Variants in ZNF83 observed in about 807,000 individuals in gnomAD.
ZNF83 encodes zinc finger protein 83.
For synonymous variants in ZNF83, 209 were observed against 213.0 expected (o/e 0.98, Z 0.17); for missense variants, 552 against 629.9 (o/e 0.88, Z 1.32).
Position 52,613,529 on chromosome 19 carries a change from T to A in ZNF83, c.1036A>T (p.Lys346Ter). Residue 346 changes from lysine to a stop codon, truncating the protein, a stop_gained, in exon 3 of 3, where the codon AAA becomes TAA. Transcript: ENST00000301096. LOFTEE classifies it low-confidence loss of function (END_TRUNC). The stretch of plus-strand genomic sequence containing the variant: ...AAGACCTTGCCACATTCATTACATT[T>A]GTAAGGTTTCTCTCCAGTGTGGATT... The A allele has an allele frequency of 6.2e-7, 1 of 1,614,138 alleles. No homozygotes were observed. The highest frequency in any genetic ancestry group is 8.5e-7 in the Non-Finnish European group (1 of 1,180,010).
At position 52,687,616 on chromosome 19, in the gene ZNF83, G is replaced by GTA. The variant is rs1427281800; in HGVS notation, c.-283+2825_-283+2826dup. 8.1e-3 allele frequency among the ~76,000 whole-genome samples: 128 copies of GTA among 15,822 alleles called. 24 individuals carry two copies. The highest frequency in any genetic ancestry group is 0.011 in the Non-Finnish European group (104 of 9,496). 10.4% of individuals were successfully genotyped at this position (15,822 alleles called of 152,430 possible). ...TATATAATGTATATATATATAATGTGTATATATATATATAATGTATATATA... is the reference window on the plus strand; with the variant it reads ...TATATAATGTATATATATATAATGTGTATATATATATATATAATGTATATATA... On this transcript the variant is annotated intron_variant, in intron 1 of 5. Transcript: ENST00000594682.
At chr19:52,620,248 G>A (rs1600151245) in intron 2 of ZNF83, among the ~76,000 whole-genome samples, 1 of 134,530 alleles carries the variant, frequency 7.4e-6, no homozygotes, top group Non-Finnish European at 1.6e-5. Context: ...ATATGTGTGT[G>A]TATATCTGTG....
chr19:52,614,056 A>C lies in ZNF83; in HGVS notation c.509T>G (p.Ile170Ser). 3 of 1,613,156 alleles carry C rather than the reference A, an allele frequency of 1.9e-6. No homozygotes were observed. In the South Asian group the frequency reaches 3.3e-5, roughly 18 times the overall value. Residue 170 changes from isoleucine to serine, a missense_variant, in exon 3 of 3, where the codon ATT becomes AGT. Ile to Ser is a moderately radical substitution (Grantham distance 142, BLOSUM62 -2). Coordinates refer to ENST00000301096, the Ensembl canonical transcript of ZNF83. ...TTTATATGGTTTCTCTCCAGTATGA[A>C]TCCTGCGATGCTGTGCAAGGTGTGA...
intron 1 of ZNF83, among the ~76,000 whole-genome samples, chr19:52,685,663 G>A (rs1249733836): frequency 3.9e-5 from 6 of 152,114 alleles, no homozygotes; most frequent in Non-Finnish European, 2.9e-5. Context: ...TTGGGAGGTC[G>A]AGGTGGGCAG....
At chr19:52,627,498 C>T (rs936808671) in intron 2 of ZNF83, among the ~76,000 whole-genome samples, 1 of 152,080 alleles carries the variant, frequency 6.6e-6, no homozygotes, top group African/African-American at 2.4e-5. Flanking sequence ...CCTCTCTCTA[C>T]TAAAAATACA....
Position 52,637,495 on chromosome 19 carries a change from G to T in ZNF83, c.-322+817C>A, listed in dbSNP as rs562956645. ...TCTCTGTACATCTAGGTTTCTCTAC[G>T]TTTCTCCAGTTACTTTTCTCCTCCT... On this transcript the variant is annotated intron_variant, in intron 1 of 2. Coordinates refer to ENST00000301096, the Ensembl canonical transcript of ZNF83. Among the ~76,000 whole-genome samples, 8 of 151,908 alleles carry T rather than the reference G, an allele frequency of 5.3e-5. No individual in the cohort carries two copies. In the East Asian group the frequency reaches 5.8e-4, roughly 11 times the overall value.
At chr19:52,657,447 T>C (rs1014173220) in intron 2 of ZNF83, among the ~76,000 whole-genome samples, 6 of 151,458 alleles carry the variant, frequency 4.0e-5, no homozygotes, top group African/African-American at 1.2e-4. Context: ...TTGTCTCTAC[T>C]AAAAATACAA....
chr19:52,675,422 T>C (rs991433325), intron 1 of ZNF83, among the ~76,000 whole-genome samples: 1 of 152,166 alleles, frequency 6.6e-6, no homozygotes, highest in African/African-American at 2.4e-5. Context: ...ATACAAGGGC[T>C]GAGCTGGGAC....
chr19:52,685,124 A>C lies in ZNF83; in HGVS notation c.-283+5319T>G, dbSNP rs189691531. Among the ~76,000 whole-genome samples the C allele has an allele frequency of 8.6e-5, 13 of 151,862 alleles. No individual in the cohort carries two copies. In the East Asian group the frequency reaches 1.9e-3, roughly 23 times the overall value. On this transcript the variant is annotated intron_variant, in intron 1 of 5. Transcript: ENST00000594682. ...TTTAAAATTCTAGTTACAACTGGGC[A>C]CTCCCCTCTCCCAGAAGAAAAGCCA...
rs35612737 is a variant in ZNF83 at position 52,687,633 on chromosome 19, G to GTATATATATA, written c.-283+2800_-283+2809dup. On this transcript the variant is annotated intron_variant, in intron 1 of 5. Coordinates refer to the ZNF83 transcript ENST00000594682. The stretch of plus-strand genomic sequence containing the variant: ...TATAATGTGTATATATATATATAAT[G>GTATATATATA]TATATATATATATATATATATATAA... 2.5e-4 allele frequency among the ~76,000 whole-genome samples: 7 copies of GTATATATATA among 27,846 alleles called. 1 individual carries two copies. Among genetic ancestry groups the GTATATATATA allele is most frequent in the Non-Finnish European group, 3.9e-4 (7 of 17,748 alleles). 18.3% of individuals were successfully genotyped at this position (27,846 alleles called of 152,430 possible). A position where few individuals can be genotyped will look rare whatever the true frequency, so the allele number is the denominator to read the frequency against.
chr19:52,620,181 T>A (rs1302366113), intron 2 of ZNF83, among the ~76,000 whole-genome samples: 1 of 152,122 alleles, frequency 6.6e-6, no homozygotes, highest in Non-Finnish European at 1.5e-5. Context: ...TTCCCCAGAT[T>A]TTCAAAATAC....
chr19:52,666,904 CAGAAGCAGAGTTAG>C (rs2061661894), intron 1 of ZNF83, among the ~76,000 whole-genome samples: 1 of 152,118 alleles, frequency 6.6e-6, no homozygotes, highest in East Asian at 1.9e-4. Context: ...GAAACTCTTG[CAGAAGCAGAGTTAG>C]GAAAATTGCC....
chr19:52,663,822 T>G (rs1489281861), intron 1 of ZNF83, among the ~76,000 whole-genome samples: 1 of 152,260 alleles, frequency 6.6e-6, no homozygotes, highest in African/African-American at 2.4e-5. Flanking sequence ...ATATAATAGT[T>G]TGAAAATGAT....
intron 2 of ZNF83, among the ~76,000 whole-genome samples, chr19:52,632,010 G>A (rs542196): frequency 0.31 from 46,337 of 148,586 alleles, 4,564 homozygotes; most frequent in East Asian, 0.54. Context: ...TTTACTCAAC[G>A]TGCCCTGAGT....
chr19:52,615,512 G>A (rs1292844750), intron 2 of ZNF83, among the ~76,000 whole-genome samples: 1 of 152,120 alleles, frequency 6.6e-6, no homozygotes, highest in East Asian at 1.9e-4. Flanking sequence ...GCCACGGTGA[G>A]TGAATCATCT....
chr19:52,654,185 C>CA, intron 3 of ZNF83: 1 of 1,600,412 alleles, frequency 6.2e-7, no homozygotes, highest in Non-Finnish European at 8.6e-7. Context: ...TCTGTACTAC[C>CA]AGTCAACTTT....
intron 1 of ZNF83, among the ~76,000 whole-genome samples, chr19:52,687,428 TAATTTATATAGCTATATAA>T: frequency 5.3e-5 from 1 of 18,732 alleles, no homozygotes; most frequent in African/African-American, 3.5e-4. Context: ...ATATAAATTA[TAATTTATATAGCTATATAA>T]ATTATAATAT....
chr19:52,652,313 G>A (rs1321542324), intron 3 of ZNF83: 5 of 256,146 alleles, frequency 2.0e-5, no homozygotes, highest in Non-Finnish European at 3.0e-5. Context: ...GAGCATGCTT[G>A]TAGTCCCAGC....
intron 1 of ZNF83, among the ~76,000 whole-genome samples, chr19:52,681,840 C>A (rs2061926676): frequency 6.6e-6 from 1 of 152,072 alleles, no homozygotes; most frequent in Non-Finnish European, 1.5e-5. Context: ...TAATACTGTA[C>A]AATCCTTCTT....
Sources: allele counts gnomAD v4.1 joint callset (sites outside exome capture counted in the v4.1 genomes callset), GRCh38; gene constraint gnomAD v4.1.1; transcripts MANE v1.5; gene names NCBI Gene and HGNC (gene_info 2026-07-23, HGNC 2026-07-21).